Variants in FHIT observed in about 807,000 individuals in gnomAD.
FHIT encodes bis(5'-adenosyl)-triphosphatase.
A neutral mutation model predicts 17.9 loss-of-function variants in FHIT; 19 were observed. That is an observed-to-expected ratio of 1.06 (90% CI 0.74 to 1.56). The LOEUF (loss-of-function observed/expected upper bound fraction) is 1.56, where lower values mean the gene tolerates loss of function less well. FHIT is among the 40% of genes most tolerant of loss of function. The pLI, the probability that FHIT is intolerant of heterozygous loss-of-function variation, is 0.00. For synonymous variants in FHIT, 81 were observed against 69.7 expected (o/e 1.16, Z -0.81); for missense variants, 248 against 189.2 (o/e 1.31, Z -1.82).
chr3:59,968,617 C>T (rs1380831591), intron 7 of FHIT, among the ~76,000 whole-genome samples: 1 of 152,108 alleles, frequency 6.6e-6, no homozygotes, highest in Non-Finnish European at 1.5e-5. Flanking sequence ...ATCAAGTTCT[C>T]TATCCTCCCC....
chr3:60,086,242 G>T (rs1009885074), intron 5 of FHIT, among the ~76,000 whole-genome samples: 5 of 152,084 alleles, frequency 3.3e-5, no homozygotes, highest in Non-Finnish European at 1.5e-5. Flanking sequence ...GACAGGCATC[G>T]ATCTATTCAT....
At chr3:60,823,769 A>T (rs923533473) in intron 3 of FHIT, among the ~76,000 whole-genome samples, 24 of 152,134 alleles carry the variant, frequency 1.6e-4, no homozygotes, top group African/African-American at 5.8e-4. Context: ...GTTTGGGGAG[A>T]TTGTTGCATT....
At chr3:61,139,876 C>A (rs1007000173) in intron 2 of FHIT, among the ~76,000 whole-genome samples, 2 of 152,024 alleles carry the variant, frequency 1.3e-5, no homozygotes, top group African/African-American at 4.8e-5. Context: ...CATTTGAAAG[C>A]CTGAAATTCA....
chr3:61,064,250 C>T (rs1384446634), intron 2 of FHIT, among the ~76,000 whole-genome samples: 1 of 151,952 alleles, frequency 6.6e-6, no homozygotes, highest in Non-Finnish European at 1.5e-5. Flanking sequence ...AGAGGCCCAC[C>T]ACGAGATGGC....
At chr3:61,025,440 A>G (rs2032682440) in intron 3 of FHIT, among the ~76,000 whole-genome samples, 1 of 152,228 alleles carries the variant, frequency 6.6e-6, no homozygotes, top group Non-Finnish European at 1.5e-5. Flanking sequence ...GTGAAACTCC[A>G]GCTTGAACCA....
Position 60,665,883 on chromosome 3 carries a change from C to A in FHIT, c.-17-128904G>T, listed in dbSNP as rs561127226. ...CTTTTCTTGCCTTCCTGTGTGTAACCTAAACATTTTTTAGGATTTCATTTT... is the reference window on the plus strand; with the variant it reads ...CTTTTCTTGCCTTCCTGTGTGTAACATAAACATTTTTTAGGATTTCATTTT... On this transcript the variant is annotated intron_variant, in intron 4 of 9. Coordinates refer to ENST00000492590, the MANE Select transcript of FHIT (RefSeq NM_002012.4). Among the ~76,000 whole-genome samples the A allele has an allele frequency of 3.9e-5, 6 of 152,152 alleles. No homozygotes were observed. The South Asian group carries it at 1.0e-3, about 26-fold the overall frequency.
At chr3:60,650,992 G>A (rs1334168651) in intron 4 of FHIT, among the ~76,000 whole-genome samples, 1 of 151,892 alleles carries the variant, frequency 6.6e-6, no homozygotes, top group Admixed American at 6.6e-5. Flanking sequence ...CCATTTCCAA[G>A]TTTTGTTTTG....
chr3:61,242,392 T>C (rs2040394319), intron 1 of FHIT, among the ~76,000 whole-genome samples: 1 of 152,188 alleles, frequency 6.6e-6, no homozygotes, highest in South Asian at 2.1e-4. Context: ...GGTTTTCCCC[T>C]TTCCCTACCA....
chr3:59,868,009 A>G (rs569172067), intron 8 of FHIT, among the ~76,000 whole-genome samples: 2 of 149,358 alleles, frequency 1.3e-5, no homozygotes, highest in South Asian at 2.2e-4. Flanking sequence ...TTTGGGCTTA[A>G]TGAATGAACT....
chr3:60,088,931 G>C (rs1253414166), intron 5 of FHIT, among the ~76,000 whole-genome samples: 1 of 152,148 alleles, frequency 6.6e-6, no homozygotes, highest in Non-Finnish European at 1.5e-5. Flanking sequence ...GGTTAGGAAA[G>C]ACTATGTAAG....
At chr3:60,492,445 G>T (rs559294546) in intron 5 of FHIT, among the ~76,000 whole-genome samples, 1 of 151,868 alleles carries the variant, frequency 6.6e-6, no homozygotes, top group Non-Finnish European at 1.5e-5. Flanking sequence ...TTCTTAAGGT[G>T]CAAGAATTGG....
At chr3:60,091,732 T>C (rs1703741913) in intron 5 of FHIT, among the ~76,000 whole-genome samples, 1 of 152,110 alleles carries the variant, frequency 6.6e-6, no homozygotes, top group African/African-American at 2.4e-5. Flanking sequence ...TCTGGCTGTT[T>C]AAAAGTGTGC....
chr3:59,988,612 G>T (rs1012217044), intron 7 of FHIT, among the ~76,000 whole-genome samples: 1 of 151,978 alleles, frequency 6.6e-6, no homozygotes, highest in African/African-American at 2.4e-5. Context: ...CATGTCCCCT[G>T]TTCTCATGAG....
At chr3:60,114,952 G>A (rs1704887999) in intron 5 of FHIT, among the ~76,000 whole-genome samples, 1 of 152,090 alleles carries the variant, frequency 6.6e-6, no homozygotes. Flanking sequence ...GCAGATTCTA[G>A]GAAGAAAGAG....
intron 2 of FHIT, among the ~76,000 whole-genome samples, chr3:61,191,817 T>G (rs1192581038): frequency 2.0e-5 from 3 of 151,990 alleles, no homozygotes; most frequent in African/African-American, 7.3e-5. Flanking sequence ...TTCTGATTGC[T>G]TAACATGCCG....
chr3:60,698,918 T>C (rs1308321446), intron 4 of FHIT, among the ~76,000 whole-genome samples: 1 of 152,206 alleles, frequency 6.6e-6, no homozygotes, highest in Non-Finnish European at 1.5e-5. Flanking sequence ...AACTGACTTT[T>C]AACAGTCTGG....
chr3:60,437,002 C>A (rs1156378637), intron 5 of FHIT, among the ~76,000 whole-genome samples: 2 of 152,058 alleles, frequency 1.3e-5, no homozygotes, highest in Admixed American at 6.6e-5. Flanking sequence ...AAGAACAGCA[C>A]CTAACAAGCA....
intron 1 of FHIT, among the ~76,000 whole-genome samples, chr3:61,231,284 G>A (rs2040093829): frequency 6.6e-6 from 1 of 152,084 alleles, no homozygotes; most frequent in Non-Finnish European, 1.5e-5. Flanking sequence ...TTGAGTCCAG[G>A]CATTTGAAAC....
intron 2 of FHIT, among the ~76,000 whole-genome samples, chr3:61,195,519 C>A (rs2038830870): frequency 6.6e-6 from 1 of 152,138 alleles, no homozygotes. Context: ...GGATATGGAA[C>A]AGAAGTTCTC....
Sources: allele counts gnomAD v4.1 joint callset (sites outside exome capture counted in the v4.1 genomes callset), GRCh38; gene constraint gnomAD v4.1.1; transcripts MANE v1.5; gene names NCBI Gene and HGNC (gene_info 2026-07-23, HGNC 2026-07-21).